The following SGCZ variants were observed in gnomAD, a reference collection of about 807,000 sequenced individuals.
SGCZ encodes zeta-sarcoglycan.
A neutral mutation model predicts 41.3 loss-of-function variants in SGCZ; 40 were observed. The observed-to-expected ratio is 0.97, with a 90% CI of 0.75 to 1.26. The LOEUF is 1.26. Among genes scored for constraint, SGCZ ranks in the 50% most tolerant of loss-of-function variants. The pLI, the probability that SGCZ is intolerant of heterozygous loss-of-function variation, is 0.00. For synonymous variants in SGCZ, 206 were observed against 137.5 expected, an observed-to-expected ratio of 1.50 and a Z score of -3.49; for missense variants, 552 against 369.8, an observed-to-expected ratio of 1.49 and a Z score of -4.04.
intron 2 of SGCZ, among the ~76,000 whole-genome samples, chr8:14,522,849 C>A (rs1394571662): frequency 2.6e-5 from 4 of 151,618 alleles, no homozygotes; most frequent in African/African-American, 9.7e-5. Flanking sequence ...CTAACCTAGT[C>A]ACTTAGTATT....
intron 2 of SGCZ, among the ~76,000 whole-genome samples, chr8:14,435,920 G>A (rs1350904305): frequency 6.6e-6 from 1 of 152,078 alleles, no homozygotes; most frequent in Admixed American, 6.6e-5. Context: ...CACTCCAAAG[G>A]GTAACTGAAC....
chr8:14,449,239 C>A (rs533936797), intron 2 of SGCZ, among the ~76,000 whole-genome samples: 1 of 152,282 alleles, frequency 6.6e-6, no homozygotes, highest in African/African-American at 2.4e-5. Context: ...TAGTAATGAA[C>A]TTACTTGTTC....
chr8:14,107,925 G>A (rs932992628), intron 6 of SGCZ, among the ~76,000 whole-genome samples: 2 of 152,100 alleles, frequency 1.3e-5, no homozygotes, highest in South Asian at 2.1e-4. Context: ...TTACAGGTGT[G>A]AGCCACCGTG....
At chr8:15,003,927 C>T (rs189077789) in intron 1 of SGCZ, among the ~76,000 whole-genome samples, 1 of 152,142 alleles carries the variant, frequency 6.6e-6, no homozygotes, top group Non-Finnish European at 1.5e-5. Flanking sequence ...ATATGAAATA[C>T]ATCTCATGCT....
At chr8:14,270,081 C>G (rs377377241) in intron 3 of SGCZ, among the ~76,000 whole-genome samples, 1 of 152,010 alleles carries the variant, frequency 6.6e-6, no homozygotes, top group Non-Finnish European at 1.5e-5. Flanking sequence ...CCTATAATCC[C>G]GGCACTTTGG....
intron 7 of SGCZ, among the ~76,000 whole-genome samples, chr8:14,092,543 C>T (rs1801717931): frequency 6.6e-6 from 1 of 151,900 alleles, no homozygotes; most frequent in African/African-American, 2.4e-5. Flanking sequence ...CCCCATAATT[C>T]CCATGTATTG....
intron 1 of SGCZ, among the ~76,000 whole-genome samples, chr8:15,015,726 CGTGT>C (rs60624490): frequency 0.11 from 14,304 of 124,880 alleles, 714 homozygotes; most frequent in Middle Eastern, 0.15. Flanking sequence ...GAAATATACA[CGTGT>C]GTGTGTGTGT....
chr8:14,209,498 A>C (rs1049877475), intron 4 of SGCZ, among the ~76,000 whole-genome samples: 1 of 152,198 alleles, frequency 6.6e-6, no homozygotes, highest in African/African-American at 2.4e-5. Flanking sequence ...GTGTGGAAAG[A>C]GTACATTTCC....
intron 2 of SGCZ, among the ~76,000 whole-genome samples, chr8:14,402,382 G>A (rs537153127): frequency 6.6e-6 from 1 of 151,754 alleles, no homozygotes; most frequent in Non-Finnish European, 1.5e-5. Context: ...GTCCTGAATG[G>A]TAATGCCTAG....
intron 1 of SGCZ, among the ~76,000 whole-genome samples, chr8:14,559,908 T>A (rs185548052): frequency 9.4e-4 from 143 of 152,222 alleles, no homozygotes; most frequent in African/African-American, 3.2e-3. Flanking sequence ...TTAATTAAAC[T>A]CTGATTTGGC....
chr8:15,097,888 G>GTATATA (rs377298460), intron 1 of SGCZ, among the ~76,000 whole-genome samples: 5 of 120,658 alleles, frequency 4.1e-5, no homozygotes, highest in African/African-American at 1.4e-4. Flanking sequence ...ATATACGTGT[G>GTATATA]TATATATATA....
intron 1 of SGCZ, among the ~76,000 whole-genome samples, chr8:14,869,619 T>C (rs573169250): frequency 6.6e-6 from 1 of 152,302 alleles, no homozygotes; most frequent in East Asian, 1.9e-4. Context: ...AAATGAAGTG[T>C]ATTCAAATAG....
intron 1 of SGCZ, among the ~76,000 whole-genome samples, chr8:14,595,805 T>G (rs1457955872): frequency 6.6e-6 from 1 of 152,192 alleles, no homozygotes; most frequent in Admixed American, 6.5e-5. Context: ...GAGTGGAAAA[T>G]TTAATTGTTC....
At chr8:14,826,872 C>G (rs1357797199) in intron 1 of SGCZ, among the ~76,000 whole-genome samples, 1 of 152,068 alleles carries the variant, frequency 6.6e-6, no homozygotes, top group African/African-American at 2.4e-5. Flanking sequence ...AATTTTCTCC[C>G]ATTCTGTAGG....
intron 2 of SGCZ, among the ~76,000 whole-genome samples, chr8:14,457,530 G>A (rs1018966208): frequency 9.9e-5 from 15 of 152,188 alleles, no homozygotes; most frequent in African/African-American, 2.7e-4. Context: ...GCAGTTATCC[G>A]GAGGCCTAAC....
intron 1 of SGCZ, among the ~76,000 whole-genome samples, chr8:14,594,711 G>A (rs949890340): frequency 6.6e-6 from 1 of 151,818 alleles, no homozygotes; most frequent in Non-Finnish European, 1.5e-5. Context: ...ATGAATAACT[G>A]TCTGTGCGTT....
chr8:15,002,609 G>T (rs1008081039), intron 1 of SGCZ, among the ~76,000 whole-genome samples: 1 of 152,046 alleles, frequency 6.6e-6, no homozygotes, highest in African/African-American at 2.4e-5. Flanking sequence ...AGAAGCAAAG[G>T]AAAAACCTCA....
rs147961498 is a variant in SGCZ, at chr8:14,580,969, A to G, written c.40-26043T>C. On this transcript the variant is annotated intron_variant, in intron 1 of 7. Coordinates refer to ENST00000382080, the MANE Select transcript of SGCZ (RefSeq NM_139167.4). ...GTAAATTGAAATTAACGGCAATTTC[A>G]GTAGTAAATGCCTTTCTTGAGAACC... 1.2e-3 allele frequency among the ~76,000 whole-genome samples: 186 copies of G among 152,382 alleles called. 1 individual carries two copies. Among genetic ancestry groups the G allele is most frequent in the Admixed American group, 4.1e-3 (62 of 15,308 alleles).
rs950322181 is a variant in SGCZ at position 14,293,588 on chromosome 8, T to C, written c.336+30515A>G. 3.9e-4 allele frequency among the ~76,000 whole-genome samples: 60 copies of C among 152,054 alleles called. 1 individual carries two copies. Among genetic ancestry groups the C allele is most frequent in the African/African-American group, 1.4e-3 (58 of 41,542 alleles). On this transcript the variant is annotated intron_variant, in intron 3 of 7. Transcript: ENST00000382080. ...GTAGTGTAATGGGTGGCTCAGTTTC[T>C]AAATAAAAAATGTAAGCTCAAAAAT...
Sources: gnomAD v4.1 joint callset for allele counts (sites outside exome capture counted in the v4.1 genomes callset) on GRCh38, gnomAD v4.1.1 for gene constraint, MANE v1.5 for transcripts, NCBI Gene and HGNC (gene_info 2026-07-23, HGNC 2026-07-21) for gene names.